The following KAZN variants were observed in gnomAD, a reference collection of about 807,000 sequenced individuals.
The protein encoded by KAZN is kazrin, periplakin interacting protein, also known as kazrin.
In KAZN, 40 loss-of-function variants were observed where a neutral mutation model predicts 87.4. The ratio of observed to expected loss-of-function variants is 0.46; its 90% CI spans 0.36 to 0.60. KAZN has a LOEUF of 0.60. KAZN is among the 20% of genes least tolerant of loss of function. KAZN has a pLI of 0.00. For missense variants in KAZN, 898 were observed against 1,073.9 expected (o/e 0.84, Z 2.29); for synonymous variants, 466 against 458.3 (o/e 1.02, Z -0.22).
intron 1 of KAZN, among the ~76,000 whole-genome samples, chr1:14,631,297 A>G (rs1178509874): frequency 6.6e-6 from 1 of 152,244 alleles, no homozygotes; most frequent in Admixed American, 6.5e-5. Flanking sequence ...GCCAGGAAAC[A>G]GTGAAGGCTA....
intron 1 of KAZN, among the ~76,000 whole-genome samples, chr1:14,601,038 G>A (rs1408792702): frequency 1.3e-5 from 2 of 152,100 alleles, no homozygotes; most frequent in Admixed American, 6.5e-5. Flanking sequence ...AAATGCACAG[G>A]GCTGTGGAAA....
intron 1 of KAZN, among the ~76,000 whole-genome samples, chr1:13,928,141 C>T (rs6670754): frequency 2.0e-5 from 3 of 152,076 alleles, no homozygotes; most frequent in Non-Finnish European, 4.4e-5. Context: ...TCAGGTTTTG[C>T]GGAGAAGATC....
At chr1:14,417,195 A>G (rs1362226315) in intron 2 of KAZN, among the ~76,000 whole-genome samples, 20 of 148,144 alleles carry the variant, frequency 1.4e-4, no homozygotes, top group Non-Finnish European at 2.4e-4. Context: ...AAAAAAAAAA[A>G]GGAAAAAACA....
At chr1:14,031,456 C>G (rs1641325290) in intron 1 of KAZN, among the ~76,000 whole-genome samples, 1 of 152,214 alleles carries the variant, frequency 6.6e-6, no homozygotes, top group South Asian at 2.1e-4. Context: ...TCCATGTAGA[C>G]AGAGAATGGT....
intron 2 of KAZN, among the ~76,000 whole-genome samples, chr1:14,591,175 C>T (rs975935049): frequency 1.3e-5 from 2 of 151,930 alleles, no homozygotes; most frequent in Admixed American, 6.5e-5. Flanking sequence ...AATAGTGCCC[C>T]CCCCCCATGG....
intron 1 of KAZN, among the ~76,000 whole-genome samples, chr1:14,781,027 A>G (rs1810475): frequency 0.5 from 76,050 of 151,964 alleles, 19,878 homozygotes; most frequent in East Asian, 0.74. Flanking sequence ...ATAACATTAA[A>G]AGGCAAGAAA....
At chr1:14,789,553 G>T (rs1194611409) in intron 1 of KAZN, among the ~76,000 whole-genome samples, 1 of 151,886 alleles carries the variant, frequency 6.6e-6, no homozygotes, top group South Asian at 2.1e-4. Flanking sequence ...ACCCTTCCAG[G>T]TTCATCTCTG....
intron 1 of KAZN, among the ~76,000 whole-genome samples, chr1:14,869,598 A>G (rs1651918752): frequency 6.6e-6 from 1 of 152,180 alleles, no homozygotes; most frequent in African/African-American, 2.4e-5. Context: ...ATCGGAATTG[A>G]AAGGGTCTTC....
intron 2 of KAZN, among the ~76,000 whole-genome samples, chr1:14,504,515 CAGG>C (rs1202909189): frequency 6.6e-6 from 1 of 152,106 alleles, no homozygotes; most frequent in African/African-American, 2.4e-5. Context: ...GAAAGGAAGC[CAGG>C]AGAAGGTGCA....
intron 2 of KAZN, among the ~76,000 whole-genome samples, chr1:14,988,188 G>A (rs1472833925): frequency 6.6e-6 from 1 of 152,230 alleles, no homozygotes; most frequent in Non-Finnish European, 1.5e-5. Flanking sequence ...GAGGAAGAAG[G>A]AGCTGCAGGC....
rs1373403402 is a variant in KAZN, at chr1:14,735,090, C to G, written c.226+135867C>G. On this transcript the variant is annotated intron_variant, in intron 1 of 14. Coordinates refer to ENST00000376030, the MANE Select transcript of KAZN (RefSeq NM_201628.3). This position sits in a 1 kb window ranked among gnomAD's most constrained non-coding sequence, Gnocchi z 4.3. ...TTTGTTTTGTTTTGAGACGGAGTCT[C>G]GCTCTTTCGCCCAGGCCGGACTGTA... 6.6e-6 allele frequency among the ~76,000 whole-genome samples: 1 copy of G among 151,612 alleles called. No individual in the cohort carries two copies. The highest frequency in any genetic ancestry group is 2.4e-5 in the African/African-American group (1 of 40,904).
intron 1 of KAZN, among the ~76,000 whole-genome samples, chr1:14,003,765 C>T (rs922034243): frequency 6.6e-6 from 1 of 152,048 alleles, no homozygotes; most frequent in Admixed American, 6.5e-5. Context: ...AAACCAAAAA[C>T]CCTCCTAGAA....
At chr1:14,254,845 G>A (rs1386138857) in intron 2 of KAZN, among the ~76,000 whole-genome samples, 2 of 152,120 alleles carry the variant, frequency 1.3e-5, no homozygotes, top group East Asian at 3.9e-4. Flanking sequence ...AAGCCAGGCT[G>A]GACACGGTGG....
chr1:14,435,236 T>C (rs531811252), intron 2 of KAZN, among the ~76,000 whole-genome samples: 1 of 152,272 alleles, frequency 6.6e-6, no homozygotes, highest in South Asian at 2.1e-4. Context: ...TTCTAGGCTG[T>C]TTCAACTCTA....
intron 2 of KAZN, among the ~76,000 whole-genome samples, chr1:14,573,663 A>G (rs1471021377): frequency 6.6e-6 from 1 of 152,176 alleles, no homozygotes; most frequent in Non-Finnish European, 1.5e-5. Flanking sequence ...TTTTTTAAAA[A>G]AGAAAGAAAT....
intron 1 of KAZN, among the ~76,000 whole-genome samples, chr1:14,697,539 A>ACATTCTC (rs1557897429): frequency 6.6e-6 from 1 of 152,164 alleles, no homozygotes; most frequent in African/African-American, 2.4e-5. Context: ...TCATTGATTT[A>ACATTCTC]CATTCTCCTC....
chr1:15,061,477 C>T (rs977778373), intron 6 of KAZN: 4 of 152,074 alleles, frequency 2.6e-5, no homozygotes, highest in Non-Finnish European at 5.9e-5. Context: ...CAGCCTGGGG[C>T]CCTGCTCAGG....
At chr1:14,377,456 G>C (rs181253207) in intron 2 of KAZN, among the ~76,000 whole-genome samples, 3 of 152,284 alleles carry the variant, frequency 2.0e-5, no homozygotes, top group South Asian at 2.1e-4. Flanking sequence ...AGTAGAAAAC[G>C]TAAGAAATAG....
chr1:14,316,769 C>T (rs1385067537), intron 2 of KAZN, among the ~76,000 whole-genome samples: 2 of 151,910 alleles, frequency 1.3e-5, no homozygotes, highest in Admixed American at 6.6e-5. Context: ...TAATTTCACA[C>T]ATGATTTGTT....
Sources: gnomAD v4.1 joint callset for allele counts (sites outside exome capture counted in the v4.1 genomes callset) on GRCh38, gnomAD v4.1.1 for gene constraint, Gnocchi (gnomAD v3.1) non-coding constraint, MANE v1.5 for transcripts, NCBI Gene and HGNC (gene_info 2026-07-23, HGNC 2026-07-21) for gene names.